Variants in LRP5 observed in about 807,000 individuals in gnomAD.
LRP5 encodes the protein LDL receptor related protein 5, also known as low-density lipoprotein receptor-related protein 5.
Under a neutral mutation model 154.1 loss-of-function variants are expected in LRP5, and 62 were observed. That is an observed-to-expected ratio of 0.40 (90% confidence interval 0.33 to 0.50). LRP5 has a LOEUF of 0.50. Ranked by LOEUF, LRP5 falls within the 20% of genes least tolerant of loss-of-function variation. The pLI is 0.55. For synonymous variants in LRP5, 966 were observed against 1,011.5 expected (o/e 0.96, Z 0.85); for missense variants, 1,915 against 2,336.7 (o/e 0.82, Z 3.72).
chr11:68,390,563 G>A (rs1412942700), intron 7 of LRP5, among the ~76,000 whole-genome samples: 7 of 152,254 alleles, frequency 4.6e-5, no homozygotes, highest in Admixed American at 1.3e-4. Context: ...TTCCATAGAT[G>A]TCTGTTCTCC....
At chr11:68,317,327 G>A (rs539134725) in intron 1 of LRP5, among the ~76,000 whole-genome samples, 36 of 152,364 alleles carry the variant, frequency 2.4e-4, no homozygotes, top group African/African-American at 8.2e-4. Flanking sequence ...GGGGCCAAAA[G>A]CTCCTGCCCT....
chr11:68,372,617 G>A (rs931770659), intron 5 of LRP5, among the ~76,000 whole-genome samples: 1 of 152,194 alleles, frequency 6.6e-6, no homozygotes, highest in African/African-American at 2.4e-5. Context: ...GTAGAAAGGG[G>A]GTGATTATAC....
intron 7 of LRP5, among the ~76,000 whole-genome samples, chr11:68,390,970 TTTTG>T (rs949447605): frequency 3.9e-5 from 6 of 151,942 alleles, no homozygotes; most frequent in Non-Finnish European, 5.9e-5. Context: ...TTTTGTTTGA[TTTTG>T]TTTGATTGTT....
rs144938426 is a variant in LRP5 at position 68,337,445 on chromosome 11, T to C, written c.92-10402T>C. Among the ~76,000 whole-genome samples the C allele has an allele frequency of 1.5e-3, 223 of 152,266 alleles. 1 individual carries two copies. The highest frequency in any genetic ancestry group is 4.0e-3 in the African/African-American group (165 of 41,546). ...GCATTGTGAGTAGAATTAAGTAACT[T>C]GAGTGCGTAATTGCCTCTGGGGATC... On this transcript the variant is annotated intron_variant, in intron 1 of 22. Coordinates refer to ENST00000294304, the MANE Select transcript of LRP5 (RefSeq NM_002335.4).
chr11:68,428,014 T>A (rs2098669819), intron 16 of LRP5, among the ~76,000 whole-genome samples: 1 of 150,788 alleles, frequency 6.6e-6, no homozygotes, highest in South Asian at 2.1e-4. Flanking sequence ...TTTATTGAGA[T>A]GGAGTTTCGT....
intron 2 of LRP5, among the ~76,000 whole-genome samples, chr11:68,348,606 G>A (rs569512818): frequency 3.3e-5 from 5 of 149,502 alleles, no homozygotes; most frequent in African/African-American, 7.5e-5. Context: ...ATGAACCCGT[G>A]GGGGGGTTGG....
In LRP5 at chr11:68,447,674, G is replaced by A. The variant is rs1045158559; in HGVS notation, c.4587-1135G>A. 6.6e-6 allele frequency among the ~76,000 whole-genome samples: 1 copy of A among 152,132 alleles called. No homozygotes were observed. Among genetic ancestry groups the A allele is most frequent in the African/African-American group, 2.4e-5 (1 of 41,432 alleles). On this transcript the variant is annotated intron_variant, in intron 22 of 22. Transcript: ENST00000294304. The surrounding 1 kb of genome is among the most constrained non-coding windows in gnomAD (Gnocchi z 4.3). ...CACATCTTCCCCCCGCCCGCCGTCT[G>A]ACCTCACAGCAGCTGGGCCCCAAGA...
Position 68,413,952 on chromosome 11 carries a change from G to A in LRP5, c.2767G>A (p.Gly923Ser), listed in dbSNP as rs771724060. ...CGQLCLAIPG[G>S]HRCGCASHYT... Reference sequence around the variant, plus strand: ...GCAGCTGTGCCTTGCCATCCCCGGCGGCCACCGCTGCGGCTGCGCCTCACA... The same window carrying A: ...GCAGCTGTGCCTTGCCATCCCCGGCAGCCACCGCTGCGGCTGCGCCTCACA... The change falls in exon 12 of 23, where the codon GGC (glycine) becomes AGC (serine). Residue 923 changes from glycine (G) to serine (S), a missense_variant. This residue lies in a region of LRP5 where 1,094 missense variants were observed against 1,210.1 expected (regional missense o/e 0.90). Transcript: ENST00000294304. This position sits in a 1 kb window ranked among gnomAD's most constrained non-coding sequence, Gnocchi z 5.1. 29 of 1,608,910 alleles carry A rather than the reference G, an allele frequency of 1.8e-5. No individual in the cohort carries two copies. The highest frequency in any genetic ancestry group is 1.3e-4 in the South Asian group (12 of 91,082).
intron 11 of LRP5, 93 bp downstream of exon 11, chr11:68,411,713 C>A (rs2098659689): frequency 7.6e-6 from 10 of 1,320,248 alleles, no homozygotes; most frequent in Non-Finnish European, 1.0e-5. Flanking sequence ...CTGTGGCCTG[C>A]AAGTTCCCCA....
Position 68,321,757 on chromosome 11 carries a change from A to G in LRP5, c.91+8952A>G, listed in dbSNP as rs1484938814. 5.9e-5 allele frequency among the ~76,000 whole-genome samples: 9 copies of G among 152,232 alleles called. No individual in the cohort carries two copies. The East Asian group carries it at 1.5e-3, about 26-fold the overall frequency. ...ATCACTCCCCTCCCTAGTTAATCCC[A>G]GAGCAAAATGTGGGCACCTTTCATT... On this transcript the variant is annotated intron_variant, in intron 1 of 22. Coordinates refer to ENST00000294304, the MANE Select transcript of LRP5 (RefSeq NM_002335.4).
At position 68,447,616 on chromosome 11, in the gene LRP5, C is replaced by G. The variant is rs1018315642; in HGVS notation, c.4586+1083C>G. Among the ~76,000 whole-genome samples the G allele has an allele frequency of 1.3e-5, 2 of 152,200 alleles. No homozygotes were observed. The highest frequency in any genetic ancestry group is 4.8e-5 in the African/African-American group (2 of 41,460). The stretch of plus-strand genomic sequence containing the variant: ...TTCCTCGTCCCACCTCCTGCCTTTG[C>G]TCATGCCCGTCCTGCTCTGGGCCCA... On this transcript the variant is annotated intron_variant, in intron 22 of 22. Coordinates refer to ENST00000294304, the MANE Select transcript of LRP5 (RefSeq NM_002335.4). The surrounding 1 kb of genome is among the most constrained non-coding windows in gnomAD (Gnocchi z 4.3).
At chr11:68,392,034 G>A (rs1250492382) in intron 7 of LRP5, among the ~76,000 whole-genome samples, 1 of 152,050 alleles carries the variant, frequency 6.6e-6, no homozygotes, top group African/African-American at 2.4e-5. Context: ...TGTGGGGGGA[G>A]ATGGGGTTTC....
At chr11:68,441,556 C>G (rs1237968117) in intron 21 of LRP5, among the ~76,000 whole-genome samples, 1 of 152,162 alleles carries the variant, frequency 6.6e-6, no homozygotes, top group Non-Finnish European at 1.5e-5. Flanking sequence ...CACCCACTGC[C>G]CTTCTTCCCT....
At chr11:68,319,036 C>T (rs1348348354) in intron 1 of LRP5, among the ~76,000 whole-genome samples, 1 of 150,744 alleles carries the variant, frequency 6.6e-6, no homozygotes, top group Non-Finnish European at 1.5e-5. Flanking sequence ...GGCGCTGCTT[C>T]TGTGCCCTCC....
chr11:68,379,961 G>A (rs542780649), intron 5 of LRP5, among the ~76,000 whole-genome samples: 2 of 152,146 alleles, frequency 1.3e-5, no homozygotes, highest in Admixed American at 1.3e-4. Flanking sequence ...GTGAAACCCC[G>A]TCTCTACTAA....
intron 16 of LRP5, among the ~76,000 whole-genome samples, chr11:68,426,946 C>G (rs571614951): frequency 6.6e-6 from 1 of 152,206 alleles, no homozygotes; most frequent in African/African-American, 2.4e-5. Flanking sequence ...GGACCACTCT[C>G]AGCTCCTAGA....
intron 18 of LRP5, among the ~76,000 whole-genome samples, chr11:68,436,633 G>A (rs1215338331): frequency 6.6e-6 from 1 of 152,058 alleles, no homozygotes; most frequent in African/African-American, 2.4e-5. Flanking sequence ...GTAGGCACCT[G>A]ACACATACCT....
chr11:68,365,662 G>A lies in LRP5; in HGVS notation c.975G>A (p.Thr325=), dbSNP rs765854475. The A allele has an allele frequency of 6.8e-6, 11 of 1,612,636 alleles. No homozygotes were observed. The highest frequency in any genetic ancestry group is 9.3e-6 in the Non-Finnish European group (11 of 1,179,452). The part of the protein sequence containing the change: ...SEPFYTCACP[T]GVQLQDNGRT... ...CTTTCTACACATGCGCCTGCCCCACGGGTGTGCAGCTGCAGGACAACGGCA... is the reference window on the plus strand; with the variant it reads ...CTTTCTACACATGCGCCTGCCCCACAGGTGTGCAGCTGCAGGACAACGGCA... Residue 325 remains threonine, a synonymous_variant, in exon 5 of 23, where the codon ACG becomes ACA. Transcript: ENST00000294304.
intron 2 of LRP5, among the ~76,000 whole-genome samples, chr11:68,356,035 G>A (rs1436873456): frequency 6.6e-5 from 10 of 151,108 alleles, no homozygotes; most frequent in Admixed American, 5.3e-4. Flanking sequence ...TAGTAGAGAC[G>A]GGGTTTCACC....
Sources: gnomAD v4.1 joint callset for allele counts (sites outside exome capture counted in the v4.1 genomes callset) on GRCh38, gnomAD v4.1.1 for gene constraint, gnomAD v4.1.1 regional missense constraint, Gnocchi (gnomAD v3.1) non-coding constraint, MANE v1.5 for transcripts, NCBI Gene and HGNC (gene_info 2026-07-23, HGNC 2026-07-21) for gene names.